The following SRPK2 variants were observed in gnomAD, a reference collection of about 807,000 sequenced individuals.
SRPK2 encodes SFRS protein kinase 2.
SRPK2 carries 21 observed loss-of-function variants against 90.8 expected under a neutral mutation model. The observed-to-expected ratio is 0.23, with a 90% confidence interval of 0.16 to 0.33. The LOEUF (loss-of-function observed/expected upper bound fraction) is 0.33, where lower values mean the gene tolerates loss of function less well. SRPK2 is among the 10% of genes least tolerant of loss of function. SRPK2 has a pLI of 1.00. For missense variants in SRPK2, 620 were observed against 869.0 expected (o/e 0.71, Z 3.60); for synonymous variants, 288 against 311.1 (o/e 0.93, Z 0.78).
intron 1 of SRPK2, among the ~76,000 whole-genome samples, chr7:105,398,211 A>G (rs1384555685): frequency 2.0e-5 from 3 of 152,156 alleles, no homozygotes; most frequent in Non-Finnish European, 4.4e-5. Context: ...CCCAAATGTA[A>G]TAGAAAATGA....
At chr7:105,278,038 G>C (rs996982171) in intron 2 of SRPK2, among the ~76,000 whole-genome samples, 1 of 152,202 alleles carries the variant, frequency 6.6e-6, no homozygotes, top group Admixed American at 6.5e-5. Context: ...TTGAGGCCAG[G>C]CGCGGTGGGG....
chr7:105,162,497 T>C (rs1022735918), intron 6 of SRPK2, among the ~76,000 whole-genome samples: 1 of 152,186 alleles, frequency 6.6e-6, no homozygotes, highest in Non-Finnish European at 1.5e-5. Flanking sequence ...TACATTTGAC[T>C]TTAGAATCAA....
rs969374098 is a variant in SRPK2, at chr7:105,240,900, C to T, written c.72-37115G>A. The stretch of plus-strand genomic sequence containing the variant: ...TAAAGTAACCTTTGTCAGTACTATG[C>T]CAGTTCACAGCCTGCAATGTTTTAT... On this transcript the variant is annotated intron_variant, in intron 2 of 15. Coordinates refer to ENST00000393651, the MANE Select transcript of SRPK2 (RefSeq NM_182692.3). Among the ~76,000 whole-genome samples, 6 of 152,256 alleles carry T rather than the reference C, an allele frequency of 3.9e-5. No homozygotes were observed. The East Asian group carries it at 1.2e-3, about 29-fold the overall frequency.
chr7:105,266,396 G>A (rs906476268), intron 2 of SRPK2, among the ~76,000 whole-genome samples: 4 of 152,034 alleles, frequency 2.6e-5, no homozygotes, highest in African/African-American at 4.8e-5. Context: ...TTTATATTTT[G>A]TATTTAGAGG....
At chr7:105,160,381 T>C in intron 7 of SRPK2, 126 bp downstream of exon 7, 1 of 514,136 alleles carries the variant, frequency 1.9e-6, no homozygotes. Flanking sequence ...ATATGTAACA[T>C]ACATAACATA....
chr7:105,254,310 A>G (rs1248645594), intron 2 of SRPK2, among the ~76,000 whole-genome samples: 1 of 152,254 alleles, frequency 6.6e-6, no homozygotes, highest in Non-Finnish European at 1.5e-5. Flanking sequence ...ATTCAGAAAG[A>G]GGCTGTTTTG....
Position 105,191,835 on chromosome 7 carries a change from A to C in SRPK2, c.229+11793T>G, listed in dbSNP as rs150554364. On this transcript the variant is annotated intron_variant, in intron 3 of 15. Transcript: ENST00000393651. The stretch of plus-strand genomic sequence containing the variant: ...TAAATATAGCACTTCCCTCTTTAAA[A>C]CCTACACTGGTTCTTTTTATCCTTT... Among the ~76,000 whole-genome samples, 467 of 150,950 alleles carry C rather than the reference A, an allele frequency of 3.1e-3. 14 individuals are homozygous for C. The East Asian group carries it at 0.063, about 20-fold the overall frequency.
At chr7:105,365,863 C>CTT (rs199599172) in intron 2 of SRPK2, among the ~76,000 whole-genome samples, 2 of 145,088 alleles carry the variant, frequency 1.4e-5, no homozygotes, top group Non-Finnish European at 1.5e-5. Flanking sequence ...TTATTTCTTC[C>CTT]TTTTTTTTTT....
intron 2 of SRPK2, among the ~76,000 whole-genome samples, chr7:105,351,107 T>G (rs1817120983): frequency 6.6e-6 from 1 of 152,086 alleles, no homozygotes; most frequent in Non-Finnish European, 1.5e-5. Flanking sequence ...TGGAACCTAT[T>G]CATGGATTAA....
intron 2 of SRPK2, among the ~76,000 whole-genome samples, chr7:105,219,019 A>G (rs988890194): frequency 3.3e-5 from 5 of 152,156 alleles, no homozygotes; most frequent in African/African-American, 4.8e-5. Context: ...GGCCGCAGAA[A>G]TAGATACTGA....
chr7:105,159,860 A>G (rs1399369032), intron 7 of SRPK2, among the ~76,000 whole-genome samples: 1 of 152,224 alleles, frequency 6.6e-6, no homozygotes, highest in Non-Finnish European at 1.5e-5. Context: ...ATAAAAACTG[A>G]ATATATTAGT....
chr7:105,193,280 C>A (rs1794527718), intron 3 of SRPK2, among the ~76,000 whole-genome samples: 1 of 152,166 alleles, frequency 6.6e-6, no homozygotes, highest in African/African-American at 2.4e-5. Context: ...TTTCCCAGCA[C>A]CATTTGTTGA....
intron 2 of SRPK2, among the ~76,000 whole-genome samples, chr7:105,369,351 C>A (rs1026017750): frequency 1.3e-5 from 2 of 151,952 alleles, no homozygotes; most frequent in African/African-American, 4.8e-5. Context: ...CTTCATCACG[C>A]TGGCCAGGCT....
intron 2 of SRPK2, among the ~76,000 whole-genome samples, chr7:105,382,057 A>C (rs1821007423): frequency 6.6e-6 from 1 of 152,084 alleles, no homozygotes; most frequent in Non-Finnish European, 1.5e-5. Context: ...AGTCCCAGCT[A>C]CTTGGGAGGC....
intron 3 of SRPK2, among the ~76,000 whole-genome samples, chr7:105,200,288 G>A (rs987919211): frequency 1.3e-5 from 2 of 152,102 alleles, no homozygotes; most frequent in African/African-American, 2.4e-5. Flanking sequence ...GTGACAGAGC[G>A]AGACTCCATC....
intron 4 of SRPK2, among the ~76,000 whole-genome samples, chr7:105,168,560 G>C (rs1790377142): frequency 6.6e-6 from 1 of 151,982 alleles, no homozygotes; most frequent in African/African-American, 2.4e-5. Flanking sequence ...CAAATGGTGG[G>C]GCCACATTAA....
At chr7:105,307,799 C>A (rs553992315) in intron 2 of SRPK2, among the ~76,000 whole-genome samples, 3 of 152,014 alleles carry the variant, frequency 2.0e-5, no homozygotes, top group Non-Finnish European at 4.4e-5. Context: ...AAATAACATA[C>A]GCTTTATCTT....
chr7:105,232,458 T>A (rs1585274481), intron 2 of SRPK2, among the ~76,000 whole-genome samples: 7 of 132,094 alleles, frequency 5.3e-5, no homozygotes, highest in East Asian at 2.9e-4. Flanking sequence ...AAACCTTATC[T>A]AAAAAAAAAA....
intron 2 of SRPK2, among the ~76,000 whole-genome samples, chr7:105,308,701 T>A (rs1213227408): frequency 2.6e-5 from 4 of 152,226 alleles, no homozygotes; most frequent in Non-Finnish European, 5.9e-5. Context: ...ATTCTTTTCC[T>A]ACAGAGAGCT....
Sources: gnomAD v4.1 joint callset for allele counts (sites outside exome capture counted in the v4.1 genomes callset) on GRCh38, gnomAD v4.1.1 for gene constraint, MANE v1.5 for transcripts, NCBI Gene and HGNC (gene_info 2026-07-23, HGNC 2026-07-21) for gene names.